The following ADK variants were observed in gnomAD, a reference collection of about 807,000 sequenced individuals.
ADK encodes N6,N6-dimethyladenosine kinase.
In ADK, 24 loss-of-function variants were observed where a neutral mutation model predicts 44.7. That is an observed-to-expected ratio of 0.54 (90% CI 0.39 to 0.76). The LOEUF is 0.76. Ranked by LOEUF, ADK falls within the 30% of genes least tolerant of loss-of-function variation. ADK has a pLI of 0.00. For missense variants in ADK, 321 were observed against 425.1 expected, an observed-to-expected ratio of 0.76 and a Z score of 2.15; for synonymous variants, 128 against 142.6, an observed-to-expected ratio of 0.90 and a Z score of 0.73.
At chr10:74,653,630 T>C (rs1368233016) in intron 9 of ADK, among the ~76,000 whole-genome samples, 2 of 152,218 alleles carry the variant, frequency 1.3e-5, no homozygotes, top group Non-Finnish European at 2.9e-5. Context: ...ATTAACCATA[T>C]GTTACACATT....
intron 6 of ADK, among the ~76,000 whole-genome samples, chr10:74,474,066 A>G (rs1393399451): frequency 1.3e-5 from 2 of 152,118 alleles, no homozygotes; most frequent in African/African-American, 4.8e-5. Context: ...TCTATATTTA[A>G]TAATTCAAAT....
At chr10:74,576,327 A>G (rs1451718908) in intron 7 of ADK, among the ~76,000 whole-genome samples, 7 of 152,116 alleles carry the variant, frequency 4.6e-5, no homozygotes, top group Admixed American at 6.5e-5. Flanking sequence ...TCCAAAAGAG[A>G]GCAATTAAAT....
intron 10 of ADK, among the ~76,000 whole-genome samples, chr10:74,706,474 T>C (rs1856606290): frequency 6.6e-6 from 1 of 152,184 alleles, no homozygotes; most frequent in African/African-American, 2.4e-5. Context: ...AAGGTTGAAA[T>C]GCTTTTTTTT....
chr10:74,699,599 C>G (rs188627623), intron 10 of ADK, among the ~76,000 whole-genome samples: 1 of 152,156 alleles, frequency 6.6e-6, no homozygotes, highest in Non-Finnish European at 1.5e-5. Flanking sequence ...ATCACTTGAA[C>G]GCTGGAGGCG....
At chr10:74,289,547 G>C (rs1453253762) in intron 3 of ADK, among the ~76,000 whole-genome samples, 1 of 152,086 alleles carries the variant, frequency 6.6e-6, no homozygotes, top group African/African-American at 2.4e-5. Flanking sequence ...TTCTGATTTG[G>C]AGTGTTATGT....
intron 3 of ADK, among the ~76,000 whole-genome samples, chr10:74,302,101 G>GTTT (rs1564642239): frequency 8.6e-4 from 10 of 11,694 alleles, no homozygotes; most frequent in African/African-American, 2.8e-3. Flanking sequence ...TTTTTTTTTT[G>GTTT]TTTGTTTGTT....
chr10:74,386,270 T>A (rs979137014), intron 4 of ADK, among the ~76,000 whole-genome samples: 1 of 152,192 alleles, frequency 6.6e-6, no homozygotes, highest in African/African-American at 2.4e-5. Context: ...TGTATAAAAT[T>A]TCATATCTTT....
intron 7 of ADK, chr10:74,551,551 C>G (rs2133781355): frequency 6.6e-6 from 1 of 152,190 alleles, no homozygotes; most frequent in African/African-American, 2.4e-5. Context: ...GGACCTTTCC[C>G]CAGAAGACAT....
At chr10:74,415,839 A>G (rs1177122422) in intron 6 of ADK, among the ~76,000 whole-genome samples, 3 of 152,094 alleles carry the variant, frequency 2.0e-5, no homozygotes, top group African/African-American at 2.4e-5. Flanking sequence ...AAATGATGCA[A>G]TTGTTCCTGA....
At chr10:74,189,510 G>A (rs373961008) in intron 1 of ADK, among the ~76,000 whole-genome samples, 38 of 152,030 alleles carry the variant, frequency 2.5e-4, no homozygotes, top group Non-Finnish European at 4.1e-4. Context: ...ATTAAATACG[G>A]TGTATACTGC....
At chr10:74,213,944 A>T (rs1206713631) in intron 2 of ADK, among the ~76,000 whole-genome samples, 1 of 152,218 alleles carries the variant, frequency 6.6e-6, no homozygotes, top group Non-Finnish European at 1.5e-5. Flanking sequence ...ATATGTGGCT[A>T]GTCATTTTGA....
At chr10:74,262,000 G>C (rs570639348) in intron 3 of ADK, among the ~76,000 whole-genome samples, 12 of 152,080 alleles carry the variant, frequency 7.9e-5, no homozygotes, top group African/African-American at 2.9e-4. Context: ...AATAGACACT[G>C]GATTTTTCAA....
At chr10:74,172,809 G>A (rs567757055) in intron 1 of ADK, among the ~76,000 whole-genome samples, 123 of 150,630 alleles carry the variant, frequency 8.2e-4, no homozygotes, top group South Asian at 6.7e-3. Flanking sequence ...GGTGGCGCAC[G>A]CCTAGGGGAT....
At chr10:74,625,788 G>C (rs957767440) in intron 9 of ADK, among the ~76,000 whole-genome samples, 2 of 151,882 alleles carry the variant, frequency 1.3e-5, no homozygotes, top group African/African-American at 2.4e-5. Context: ...GTTTAAAGAC[G>C]GTAAATAAAG....
chr10:74,532,567 A>G (rs953646006), intron 7 of ADK, among the ~76,000 whole-genome samples: 1 of 152,034 alleles, frequency 6.6e-6, no homozygotes, highest in African/African-American at 2.4e-5. Flanking sequence ...TATCAAAAGC[A>G]TGATCATCTT....
intron 3 of ADK, among the ~76,000 whole-genome samples, chr10:74,305,774 T>C (rs1840225655): frequency 6.6e-6 from 1 of 152,192 alleles, no homozygotes. Context: ...TGGTTCAGGC[T>C]GCAGTGCAGT....
At chr10:74,635,485 T>G (rs1853593840) in intron 9 of ADK, among the ~76,000 whole-genome samples, 1 of 152,192 alleles carries the variant, frequency 6.6e-6, no homozygotes, top group Non-Finnish European at 1.5e-5. Context: ...AAGTTACTTT[T>G]GATGGGGATT....
chr10:74,554,404 T>C (rs1258992169), intron 7 of ADK, among the ~76,000 whole-genome samples: 1 of 152,172 alleles, frequency 6.6e-6, no homozygotes, highest in African/African-American at 2.4e-5. Flanking sequence ...TGTATACATA[T>C]GTATATCATG....
chr10:74,476,352 G>A (rs1228991515), intron 6 of ADK, among the ~76,000 whole-genome samples: 1 of 151,912 alleles, frequency 6.6e-6, no homozygotes, highest in Non-Finnish European at 1.5e-5. Flanking sequence ...AATTAGCCGG[G>A]CGTAGTGACA....
Sources: allele counts gnomAD v4.1 joint callset (sites outside exome capture counted in the v4.1 genomes callset), GRCh38; gene constraint gnomAD v4.1.1; transcripts MANE v1.5; gene names NCBI Gene and HGNC (gene_info 2026-07-23, HGNC 2026-07-21).